The following NMNAT2 variants were observed in gnomAD, a reference collection of about 807,000 sequenced individuals.
The protein encoded by NMNAT2 is nicotinamide/nicotinic acid mononucleotide adenylyltransferase 2.
In NMNAT2, 11 loss-of-function variants were observed where a neutral mutation model predicts 41.6. That is an observed-to-expected ratio of 0.26 (90% confidence interval 0.17 to 0.44). The LOEUF is 0.44. Ranked by LOEUF, NMNAT2 falls within the 20% of genes least tolerant of loss-of-function variation. NMNAT2 has a pLI of 1.00. For missense variants in NMNAT2, 288 were observed against 407.7 expected (o/e 0.71, Z 2.53); for synonymous variants, 148 against 151.2 (o/e 0.98, Z 0.16).
At chr1:183,349,110 G>A (rs1208526732) in intron 1 of NMNAT2, among the ~76,000 whole-genome samples, 3 of 152,224 alleles carry the variant, frequency 2.0e-5, no homozygotes, top group Admixed American at 2.0e-4. Context: ...CACTGTCCTA[G>A]GCACTGGTTT....
intron 1 of NMNAT2, among the ~76,000 whole-genome samples, chr1:183,412,817 G>A (rs539630080): frequency 4.6e-5 from 7 of 152,326 alleles, no homozygotes; most frequent in African/African-American, 1.7e-4. Flanking sequence ...GTCTTATCTA[G>A]GGAATATGCT....
chr1:183,284,901 G>A (rs1258231220), intron 5 of NMNAT2, 111 bp from the exon 6 acceptor site: 4 of 807,782 alleles, frequency 5.0e-6, no homozygotes, highest in Non-Finnish European at 8.7e-6. Flanking sequence ...TGCATGGACG[G>A]GGCAGGAGTG....
At chr1:183,344,753 C>G (rs956875678) in intron 1 of NMNAT2, among the ~76,000 whole-genome samples, 1 of 152,150 alleles carries the variant, frequency 6.6e-6, no homozygotes, top group African/African-American at 2.4e-5. Context: ...AGAGGCCCCA[C>G]GAAGTACGAG....
chr1:183,327,995 G>A (rs536932290), intron 1 of NMNAT2, among the ~76,000 whole-genome samples: 5 of 152,156 alleles, frequency 3.3e-5, no homozygotes, highest in Middle Eastern at 3.4e-3. Flanking sequence ...TCTCCAGGTC[G>A]GTGGCTCATC....
rs775538258 is a variant in NMNAT2, at chr1:183,261,109, C to A, written c.754-40G>T. Reference sequence around the variant, plus strand: ...GACAGAGTCAGTTGCCAGTCCCTCCCACTAAACTCCTTTTGCTCTCTCACT... The same window carrying A: ...GACAGAGTCAGTTGCCAGTCCCTCCAACTAAACTCCTTTTGCTCTCTCACT... On this transcript the variant is annotated intron_variant, in intron 9 of 10. Coordinates refer to ENST00000287713, the MANE Select transcript of NMNAT2 (RefSeq NM_015039.4). The A allele has an allele frequency of 1.9e-6, 3 of 1,604,086 alleles. No individual in the cohort carries two copies. The East Asian group carries it at 6.7e-5, about 36-fold the overall frequency.
At chr1:183,289,058 C>T (rs1373895205) in intron 4 of NMNAT2, among the ~76,000 whole-genome samples, 4 of 152,240 alleles carry the variant, frequency 2.6e-5, no homozygotes, top group African/African-American at 9.6e-5. Flanking sequence ...TGAAGCGCCA[C>T]ATCTGTTAAA....
chr1:183,365,582 C>A (rs992988179), intron 1 of NMNAT2, among the ~76,000 whole-genome samples: 1 of 152,008 alleles, frequency 6.6e-6, no homozygotes, highest in Admixed American at 6.6e-5. Context: ...CATGATGAAA[C>A]CCCACCTCTA....
chr1:183,258,247 G>T (rs1042065229), intron 10 of NMNAT2, among the ~76,000 whole-genome samples: 9 of 152,246 alleles, frequency 5.9e-5, no homozygotes, highest in Non-Finnish European at 1.2e-4. Context: ...AGACCCAAAC[G>T]AACTATTTGT....
intron 4 of NMNAT2, 107 bp downstream of exon 4, chr1:183,290,021 A>T: frequency 1.2e-6 from 1 of 826,358 alleles, no homozygotes; most frequent in Non-Finnish European, 1.9e-6. Flanking sequence ...AAGCAGGTCG[A>T]TAGGCCAGCA....
At chr1:183,254,009 C>T (rs1660459056) in intron 10 of NMNAT2, among the ~76,000 whole-genome samples, 1 of 151,612 alleles carries the variant, frequency 6.6e-6, no homozygotes, top group Admixed American at 6.6e-5. Flanking sequence ...TAGGTTGTTT[C>T]CACATCTTGG....
intron 1 of NMNAT2, among the ~76,000 whole-genome samples, chr1:183,406,219 A>G (rs1222077331): frequency 1.3e-5 from 2 of 152,200 alleles, no homozygotes; most frequent in East Asian, 3.8e-4. Context: ...CAATGAAGGT[A>G]TGTTTAAAGG....
chr1:183,288,368 A>G (rs1661448182), intron 4 of NMNAT2, among the ~76,000 whole-genome samples: 1 of 152,156 alleles, frequency 6.6e-6, no homozygotes, highest in Non-Finnish European at 1.5e-5. Flanking sequence ...CATGCTTGCT[A>G]GGTGTTTGAA....
chr1:183,415,317 C>T (rs920390336), intron 1 of NMNAT2, among the ~76,000 whole-genome samples: 3 of 152,044 alleles, frequency 2.0e-5, no homozygotes, highest in South Asian at 2.1e-4. Context: ...TAATTATTTC[C>T]GTGTTGTCAC....
chr1:183,335,880 G>A (rs1233737907), intron 1 of NMNAT2, among the ~76,000 whole-genome samples: 1 of 152,324 alleles, frequency 6.6e-6, no homozygotes, highest in East Asian at 1.9e-4. Context: ...TAAATAATCT[G>A]TGAATACAAT....
intron 1 of NMNAT2, among the ~76,000 whole-genome samples, chr1:183,405,599 A>G (rs569949721): frequency 6.4e-4 from 98 of 152,360 alleles, no homozygotes; most frequent in Admixed American, 1.1e-3. Flanking sequence ...CCACATGGCC[A>G]TGAGGGAGGA....
chr1:183,413,397 T>C (rs1352597630), intron 1 of NMNAT2, among the ~76,000 whole-genome samples: 5 of 152,032 alleles, frequency 3.3e-5, no homozygotes, highest in Non-Finnish European at 1.5e-5. Context: ...CACATTCTCC[T>C]GGATGCTGGT....
intron 1 of NMNAT2, among the ~76,000 whole-genome samples, chr1:183,360,985 A>G (rs1663295591): frequency 6.6e-6 from 1 of 152,236 alleles, no homozygotes; most frequent in Admixed American, 6.5e-5. Flanking sequence ...TCCAGAGTTA[A>G]CCACGTTTTA....
At chr1:183,396,100 A>C (rs1648630521) in intron 1 of NMNAT2, among the ~76,000 whole-genome samples, 1 of 152,222 alleles carries the variant, frequency 6.6e-6, no homozygotes, top group Non-Finnish European at 1.5e-5. Flanking sequence ...TTCCCAGAGC[A>C]GTGCCAGCCT....
At chr1:183,266,516 G>C (rs554184234) in intron 8 of NMNAT2, 5 of 153,032 alleles carry the variant, frequency 3.3e-5, no homozygotes, top group African/African-American at 1.2e-4. Flanking sequence ...AAGAATAGTC[G>C]CTTTACAAAA....
Sources: gnomAD v4.1 joint callset for allele counts (sites outside exome capture counted in the v4.1 genomes callset) on GRCh38, gnomAD v4.1.1 for gene constraint, MANE v1.5 for transcripts, NCBI Gene and HGNC (gene_info 2026-07-23, HGNC 2026-07-21) for gene names.